The following CSF1R variants were observed in gnomAD, a reference collection of about 807,000 sequenced individuals.
CSF1R encodes the protein colony stimulating factor 1 receptor.
CSF1R carries 40 observed loss-of-function variants against 110.0 expected under a neutral mutation model. The ratio of observed to expected loss-of-function variants is 0.36; its 90% CI spans 0.28 to 0.47. The LOEUF is 0.47. CSF1R is among the 20% of genes least tolerant of loss of function. The probability of loss-of-function intolerance (pLI) is 0.99; values close to 1 mark genes in which losing one functional copy is unlikely to be tolerated. For synonymous variants in CSF1R, 523 were observed against 503.4 expected (o/e 1.04, Z -0.52); for missense variants, 1,052 against 1,253.0 (o/e 0.84, Z 2.42).
rs1757201967 is a variant in CSF1R, at chr5:150,056,090, ACAGT to A, written c.2486_2489del (p.Asp829ValfsTer24). The stretch of plus-strand genomic sequence containing the variant: ...AGACGTCGCTCTGAACCGTGTAGAC[ACAGT>A]CAAAGATGCTCTCTGGGGCCATCCA... On this transcript the variant is annotated frameshift_variant, in exon 18 of 21. Transcript: ENST00000675795. LOFTEE classifies it high-confidence loss of function. The A allele has an allele frequency of 1.2e-6, 2 of 1,614,220 alleles. No individual in the cohort carries two copies. Among genetic ancestry groups the A allele is most frequent in the Non-Finnish European group, 1.7e-6 (2 of 1,180,046 alleles).
chr5:150,078,903 C>T lies in CSF1R; in HGVS notation c.593-655G>A, dbSNP rs529214287. 4.6e-5 allele frequency among the ~76,000 whole-genome samples: 7 copies of T among 152,298 alleles called. No individual in the cohort carries two copies. The South Asian group carries it at 8.3e-4, about 18-fold the overall frequency. ...TTAGCCTCCCCAGCACCTCCATGCC[C>T]GCCACTCCCCAGCTTGGTTTCTTGC... On this transcript the variant is annotated intron_variant, in intron 3 of 20. Transcript: ENST00000675795.
intron 1 of CSF1R, among the ~76,000 whole-genome samples, chr5:150,097,487 T>C (rs965538044): frequency 1.2e-4 from 18 of 151,636 alleles, no homozygotes; most frequent in African/African-American, 3.1e-4. Flanking sequence ...AGAAGAAATA[T>C]AATGGTCTCT....
At position 150,059,750 on chromosome 5, in the gene CSF1R, C is replaced by T. The variant is rs56316417; in HGVS notation, c.2082G>A (p.Glu694=). ...GGATGTTCTTATAGTCGACGCCTCC[C>T]TCGGGGTCCTGGCCGGGGCTCAGGC... is the stretch of plus-strand genomic sequence containing the variant. ...GPSLSPGQDP[E]GGVDYKNIHL... Residue 694 remains glutamate (E), a synonymous_variant, in exon 14 of 21, where the codon GAG becomes GAA. Transcript: ENST00000675795. 89 of 1,614,080 alleles carry T rather than the reference C, an allele frequency of 5.5e-5. No individual in the cohort carries two copies. In the African/African-American group the frequency reaches 1.1e-3, roughly 20 times the overall value.
chr5:150,068,459 A>C, intron 9 of CSF1R, 129 bp from the exon 10 acceptor site: 7 of 614,026 alleles, frequency 1.1e-5, no homozygotes, highest in Non-Finnish European at 8.5e-6. Context: ...AGCATCCTCC[A>C]CTGGAAGCCT....
Position 150,076,875 on chromosome 5 carries a change from G to C in CSF1R, c.889+401C>G, listed in dbSNP as rs2113822770. 15 of 256,166 alleles carry C rather than the reference G, an allele frequency of 5.9e-5. 1 individual carries two copies. The South Asian group carries it at 7.1e-4, about 12-fold the overall frequency. The allele number at this position is 256,166 out of a possible 1,614,324, so 15.9% of individuals were successfully genotyped here. On this transcript the variant is annotated intron_variant, in intron 5 of 20. Coordinates refer to ENST00000675795, the MANE Select transcript of CSF1R (RefSeq NM_001288705.3). Reference sequence around the variant, plus strand: ...GGCCACCTTCTCGAAGCCTGGGTTGGGGGGACTCTTCAGTGTTCCCAGGAC... The same window carrying C: ...GGCCACCTTCTCGAAGCCTGGGTTGCGGGGACTCTTCAGTGTTCCCAGGAC...
chr5:150,099,698 C>A (rs1212680730), intron 1 of CSF1R, among the ~76,000 whole-genome samples: 1 of 121,012 alleles, frequency 8.3e-6, no homozygotes, highest in Non-Finnish European at 1.6e-5. Flanking sequence ...AGATCATTGG[C>A]TGCCAGGGGC....
At chr5:150,063,085 T>C (rs1161800521) in intron 10 of CSF1R, among the ~76,000 whole-genome samples, 1 of 152,042 alleles carries the variant, frequency 6.6e-6, no homozygotes, top group East Asian at 1.9e-4. Context: ...GGGGGCAGTC[T>C]TGGCTCACTA....
intron 13 of CSF1R, 40 bp downstream of exon 13, chr5:150,060,822 G>A (rs375344147): frequency 2.3e-5 from 32 of 1,375,456 alleles, no homozygotes; most frequent in Non-Finnish European, 3.1e-5. Flanking sequence ...ATTCCCCAGA[G>A]GCCCCAAGAC....
At chr5:150,092,147 T>G (rs530687707) in intron 1 of CSF1R, among the ~76,000 whole-genome samples, 20 of 152,230 alleles carry the variant, frequency 1.3e-4, no homozygotes, top group Non-Finnish European at 2.5e-4. Context: ...AAAGCAGCCA[T>G]AGCCAATACA....
chr5:150,081,085 C>T, intron 1 of CSF1R, 61 bp from the exon 2 acceptor site: 1 of 1,583,052 alleles, frequency 6.3e-7, no homozygotes, highest in East Asian at 2.3e-5. Context: ...TTGGGCCGTC[C>T]TGACTCTGAG....
intron 1 of CSF1R, among the ~76,000 whole-genome samples, chr5:150,100,479 A>C (rs771617342): frequency 7.2e-4 from 110 of 151,914 alleles, no homozygotes; most frequent in Admixed American, 1.5e-3. Context: ...TTGTATTTTT[A>C]GTGGAGACGG....
At chr5:150,113,032 G>A (rs1759774177) in intron 1 of CSF1R, among the ~76,000 whole-genome samples, 1 of 152,164 alleles carries the variant, frequency 6.6e-6, no homozygotes, top group South Asian at 2.1e-4. Context: ...GCCCAGGTGG[G>A]AGGGCCCTAG....
intron 1 of CSF1R, among the ~76,000 whole-genome samples, chr5:150,103,387 G>A (rs1759459859): frequency 1.3e-5 from 2 of 152,204 alleles, no homozygotes; most frequent in South Asian, 4.1e-4. Flanking sequence ...CCCTCGACAG[G>A]CCTCCAGTGA....
intron 1 of CSF1R, among the ~76,000 whole-genome samples, chr5:150,091,884 A>C (rs1198501613): frequency 6.8e-6 from 1 of 146,276 alleles, no homozygotes; most frequent in African/African-American, 2.6e-5. Flanking sequence ...AAAAAATCCT[A>C]AGGGAAGTTC....
intron 1 of CSF1R, among the ~76,000 whole-genome samples, chr5:150,111,580 G>A (rs891924978): frequency 4.6e-5 from 7 of 152,196 alleles, no homozygotes; most frequent in African/African-American, 1.7e-4. Flanking sequence ...CAGAAGGTCT[G>A]GAGACAGAAG....
At chr5:150,109,058 G>GCCCCCGC (rs1554106340) in intron 1 of CSF1R, among the ~76,000 whole-genome samples, 3 of 119,738 alleles carry the variant, frequency 2.5e-5, no homozygotes, top group Non-Finnish European at 5.6e-5. Context: ...GGAGAAGCCC[G>GCCCCCGC]CCCCCCCCCC....
rs557980960 is a variant in CSF1R, at chr5:150,054,133, G to T, written c.2855C>A (p.Thr952Asn). The change falls in exon 21 of 21, where the codon ACC becomes AAC. Residue 952 changes from threonine (T) to asparagine (N), a missense_variant. Physicochemically the swap from Thr to Asn is moderately conservative, Grantham distance 65 (BLOSUM62 0). Coordinates refer to ENST00000675795, the MANE Select transcript of CSF1R (RefSeq NM_001288705.3). ...LEEESSSEHL[T>N]CCEQGDIAQP... Reference sequence around the variant, plus strand: ...GGCGATATCCCCTTGCTCGCAGCAGGTCAGGTGCTCACTAGAGCTCTCCTC... The same window carrying T: ...GGCGATATCCCCTTGCTCGCAGCAGTTCAGGTGCTCACTAGAGCTCTCCTC... 3 of 1,614,016 alleles carry T rather than the reference G, an allele frequency of 1.9e-6. No homozygotes were observed. The highest frequency in any genetic ancestry group is 1.1e-5 in the South Asian group (1 of 91,036).
intron 5 of CSF1R, among the ~76,000 whole-genome samples, chr5:150,074,239 A>AAAATCCTTT (rs1178571493): frequency 6.6e-6 from 1 of 152,054 alleles, no homozygotes; most frequent in Non-Finnish European, 1.5e-5. Flanking sequence ...TATAAGGAAA[A>AAAATCCTTT]AAATCCTTTT....
At chr5:150,054,494 A>AC in intron 19 of CSF1R, 64 bp from the exon 20 acceptor site, 3 of 1,373,666 alleles carry the variant, frequency 2.2e-6, no homozygotes, top group Non-Finnish European at 3.0e-6. Flanking sequence ...ATTAACACAC[A>AC]CCCCTAGAGA....
Sources: gnomAD v4.1 joint callset for allele counts (sites outside exome capture counted in the v4.1 genomes callset) on GRCh38, gnomAD v4.1.1 for gene constraint, MANE v1.5 for transcripts, NCBI Gene and HGNC (gene_info 2026-07-23, HGNC 2026-07-21) for gene names.